Variants in LRP2 observed in about 807,000 individuals in gnomAD.
LRP2 encodes LDL receptor related protein 2.
LRP2 carries 172 observed loss-of-function variants against 531.0 expected under a neutral mutation model. That is an observed-to-expected ratio of 0.32 (90% CI 0.29 to 0.37). The LOEUF (loss-of-function observed/expected upper bound fraction) is 0.37. LRP2 is among the 10% of genes least tolerant of loss of function. The probability of loss-of-function intolerance (pLI) is 1.00; values close to 1 mark genes in which losing one functional copy is unlikely to be tolerated. For synonymous variants in LRP2, 1,992 were observed against 2,027.6 expected, an observed-to-expected ratio of 0.98 and a Z score of 0.47; for missense variants, 5,167 against 5,868.3, an observed-to-expected ratio of 0.88 and a Z score of 3.90.
chr2:169,220,423 T>C (rs748394585), intron 34 of LRP2, 31 bp downstream of exon 34: 12 of 1,475,434 alleles, frequency 8.1e-6, no homozygotes, highest in African/African-American at 1.4e-5. Flanking sequence ...CAATGCTGCA[T>C]GGAAGACACG....
intron 50 of LRP2, among the ~76,000 whole-genome samples, chr2:169,184,602 T>A (rs1267378251): frequency 6.6e-6 from 1 of 152,196 alleles, no homozygotes. Context: ...TTAAGAAGTG[T>A]GGTTCATCTG....
intron 62 of LRP2, among the ~76,000 whole-genome samples, chr2:169,165,570 T>A (rs1036207545): frequency 6.6e-6 from 1 of 152,228 alleles, no homozygotes; most frequent in Admixed American, 6.5e-5. Flanking sequence ...TGAAGGATGA[T>A]CAAATCTCAT....
chr2:169,163,182 C>T (rs1269521368), intron 62 of LRP2, among the ~76,000 whole-genome samples: 15 of 152,200 alleles, frequency 9.9e-5, no homozygotes, highest in Non-Finnish European at 2.1e-4. Flanking sequence ...GCTATCACCT[C>T]GGAAAAACTG....
rs556358890 is a variant in LRP2, at chr2:169,280,124, G to A, written c.1341+226C>T. On this transcript the variant is annotated intron_variant, in intron 11 of 78. Coordinates refer to ENST00000649046, the MANE Select transcript of LRP2 (RefSeq NM_004525.3). ...TAATTAGGCTCCTGGACTCCACTTC[G>A]AATAAAATTAAAAGTTGCTCAAGGC... Among the ~76,000 whole-genome samples, 5 of 152,166 alleles carry A rather than the reference G, an allele frequency of 3.3e-5. No individual in the cohort carries two copies. The East Asian group carries it at 9.6e-4, about 29-fold the overall frequency.
chr2:169,146,919 C>T lies in LRP2; in HGVS notation c.12631G>A (p.Glu4211Lys). 1 of 1,613,960 alleles carries T rather than the reference C, an allele frequency of 6.2e-7. No homozygotes were observed. The highest frequency in any genetic ancestry group is 8.5e-7 in the Non-Finnish European group (1 of 1,179,950). ...WTDWGKEPKI[E>K]SAWMNGEDRN... Reference sequence around the variant, plus strand: ...TCCTCTCCATTCATCCAGGCAGACTCGATTTTAGGTTCCTTTCCCCAGTCA... The same window carrying T: ...TCCTCTCCATTCATCCAGGCAGACTTGATTTTAGGTTCCTTTCCCCAGTCA... The change falls in exon 69 of 79, where the codon GAG becomes AAG. Residue 4211 changes from glutamate (E) to lysine (K), a missense_variant. Physicochemically the swap from Glu to Lys is moderately conservative, Grantham distance 56. This residue lies in a region of LRP2 where 564 missense variants were observed against 747.7 expected (regional missense o/e 0.75). Coordinates refer to ENST00000649046, the MANE Select transcript of LRP2 (RefSeq NM_004525.3).
chr2:169,356,713 T>A (rs1685997870), intron 1 of LRP2, among the ~76,000 whole-genome samples: 1 of 152,216 alleles, frequency 6.6e-6, no homozygotes, highest in South Asian at 2.1e-4. Context: ...TAGGAACATG[T>A]GAAGAACCAC....
chr2:169,173,062 G>C, intron 57 of LRP2, 34 bp downstream of exon 57: 1 of 1,613,664 alleles, frequency 6.2e-7, no homozygotes, highest in Non-Finnish European at 8.5e-7. Context: ...GCACTTTCTT[G>C]TCCCTCCCTC....
Position 169,213,813 on chromosome 2 carries a change from G to A in LRP2, c.5884C>T (p.His1962Tyr), listed in dbSNP as rs1455260174. The A allele has an allele frequency of 8.7e-6, 14 of 1,613,630 alleles. No homozygotes were observed. Among genetic ancestry groups the A allele is most frequent in the South Asian group, 5.5e-5 (5 of 91,058 alleles). Residue 1962 changes from histidine (H) to tyrosine (Y), a missense_variant, in exon 36 of 79, where the codon CAC (histidine) becomes TAC (tyrosine). Coordinates refer to ENST00000649046, the MANE Select transcript of LRP2 (RefSeq NM_004525.3). ...TCATGGACTGCAATTCCCCAGGGGT[G>A]GGAAAGCTGGTGTACCAGGATCATT... ...DRMILVHQLS[H>Y]PWGIAVHDSF...
chr2:169,167,874 C>T lies in LRP2; in HGVS notation c.11635+665G>A, dbSNP rs547184183. Among the ~76,000 whole-genome samples the T allele has an allele frequency of 3.6e-4, 55 of 151,478 alleles. No individual in the cohort carries two copies. The South Asian group carries it at 5.9e-3, about 16-fold the overall frequency. ...AAGGCTAAGAAGCCTTTTAAAAATA[C>T]GTATGTGCAGGCTTCATTCTTGGAG... is the stretch of plus-strand genomic sequence containing the variant. On this transcript the variant is annotated intron_variant, in intron 61 of 78. Transcript: ENST00000649046.
intron 28 of LRP2, among the ~76,000 whole-genome samples, chr2:169,236,585 T>C (rs1689614472): frequency 1.3e-5 from 2 of 152,174 alleles, no homozygotes; most frequent in Admixed American, 1.3e-4. Flanking sequence ...TATAAGTAAA[T>C]TCAGGGAAAG....
rs62172648 is a variant in LRP2 at position 169,246,461 on chromosome 2, A to T, written c.3190+244T>A. ...CAAGACATAATGACTGCATTGGTCC[A>T]AACAGCCAATGTCAAGGAAAAAAAT... On this transcript the variant is annotated intron_variant, in intron 21 of 78. Transcript: ENST00000649046. 0.037 allele frequency among the ~76,000 whole-genome samples: 5,671 copies of T among 152,264 alleles called. 152 individuals carry two copies. Among genetic ancestry groups the T allele is most frequent in the South Asian group, 0.098 (475 of 4,824 alleles).
At chr2:169,189,984 G>T (rs1687775401) in intron 48 of LRP2, among the ~76,000 whole-genome samples, 1 of 152,164 alleles carries the variant, frequency 6.6e-6, no homozygotes, top group South Asian at 2.1e-4. Context: ...AACCCAGAAA[G>T]CTCAGAATGG....
chr2:169,297,595 A>G (rs909984202), intron 4 of LRP2, among the ~76,000 whole-genome samples: 2 of 152,128 alleles, frequency 1.3e-5, no homozygotes, highest in African/African-American at 4.8e-5. Flanking sequence ...CCCAATCCCA[A>G]ATGATACATG....
At position 169,277,897 on chromosome 2, in the gene LRP2, C is replaced by T. The variant is rs1559053523; in HGVS notation, c.1620G>A (p.Arg540=). The T allele has an allele frequency of 6.2e-7, 1 of 1,614,002 alleles. No homozygotes were observed. The highest frequency in any genetic ancestry group is 8.5e-7 in the Non-Finnish European group (1 of 1,179,994). The change falls in exon 13 of 79, where the codon AGG becomes AGA. Residue 540 remains arginine (R), a synonymous_variant. Coordinates refer to ENST00000649046, the MANE Select transcript of LRP2 (RefSeq NM_004525.3). ...TACGGTTGCTGCCATCCATGAATGC[C>T]CTTTCCAGCTTAGGTTCCCCAGAAA... ...ESLSGEPKLE[R]AFMDGSNRKD...
chr2:169,183,533 G>C (rs945524622), intron 50 of LRP2, among the ~76,000 whole-genome samples: 1 of 152,118 alleles, frequency 6.6e-6, no homozygotes, highest in Non-Finnish European at 1.5e-5. Context: ...TATTCTTGTC[G>C]TATTAGTATT....
At chr2:169,213,313 G>A (rs1218379530) in intron 36 of LRP2, among the ~76,000 whole-genome samples, 1 of 152,116 alleles carries the variant, frequency 6.6e-6, no homozygotes, top group Non-Finnish European at 1.5e-5. Context: ...AAACAAGACA[G>A]ACAAAATGCC....
intron 17 of LRP2, 91 bp from the exon 18 acceptor site, chr2:169,257,340 A>T: frequency 7.5e-7 from 1 of 1,336,784 alleles, no homozygotes; most frequent in Non-Finnish European, 1.1e-6. Flanking sequence ...TTCTCCAGAT[A>T]CTGCAATTAA....
In LRP2 at chr2:169,162,619, T is replaced by C; in HGVS notation, c.11759-19A>G. 1 of 1,613,860 alleles carries C rather than the reference T, an allele frequency of 6.2e-7. No individual in the cohort carries two copies. Among genetic ancestry groups the C allele is most frequent in the Non-Finnish European group, 8.5e-7 (1 of 1,179,824 alleles). On this transcript the variant is annotated intron_variant, in intron 62 of 78. Coordinates refer to ENST00000649046, the MANE Select transcript of LRP2 (RefSeq NM_004525.3). ...TTTCTACCTGCAATGTAAAAACAAG[T>C]TAAAATCAAAACTTTTTCTTTTATG...
intron 27 of LRP2, 29 bp from the exon 28 acceptor site, chr2:169,237,316 T>G: frequency 2.7e-6 from 4 of 1,497,786 alleles, no homozygotes; most frequent in Non-Finnish European, 3.7e-6. Context: ...AAAGAGTGAA[T>G]TCTAGAGCAA....
Sources: allele counts gnomAD v4.1 joint callset (sites outside exome capture counted in the v4.1 genomes callset), GRCh38; gene constraint gnomAD v4.1.1; regional missense constraint gnomAD v4.1.1; transcripts MANE v1.5; gene names NCBI Gene and HGNC (gene_info 2026-07-23, HGNC 2026-07-21).